DOK4: variants seen among roughly 807,000 people sequenced by gnomAD.
DOK4 encodes the protein docking protein 4.
Under a neutral mutation model 40.1 loss-of-function variants are expected in DOK4, and 26 were observed. That is an observed-to-expected ratio of 0.65 (90% CI 0.48 to 0.90). The LOEUF is 0.90. DOK4 is among the 40% of genes least tolerant of loss of function. DOK4 has a pLI of 0.00. For synonymous variants in DOK4, 179 were observed against 177.0 expected (o/e 1.01, Z -0.09); for missense variants, 392 against 437.2 (o/e 0.90, Z 0.92).
exon 9 of DOK4, chr16:57,472,194 C>T (rs1237447507): frequency 2.6e-5 from 4 of 152,302 alleles, no homozygotes; most frequent in Non-Finnish European, 4.4e-5. Context: ...GGAGGGGCCG[C>T]GTGCTTTATC....
intron 2 of DOK4, 27 bp from the exon 3 acceptor site, chr16:57,475,984 G>A: frequency 6.3e-7 from 1 of 1,587,562 alleles, no homozygotes; most frequent in Non-Finnish European, 8.6e-7. Context: ...CAGGGCTCAG[G>A]CCTCCCTGGA....
chr16:57,473,576 T>G (rs769864181), intron 8 of DOK4, 37 bp downstream of exon 8: 40 of 1,614,044 alleles, frequency 2.5e-5, no homozygotes, highest in South Asian at 2.1e-4. Context: ...CCACAAAGCC[T>G]CCTGGCAGGT....
At chr16:57,483,004 GGAAGAGT>G (rs2031458666) in intron 1 of DOK4, among the ~76,000 whole-genome samples, 2 of 152,186 alleles carry the variant, frequency 1.3e-5, no homozygotes, top group African/African-American at 4.8e-5. Context: ...GTCCCCAGCG[GGAAGAGT>G]GACCTTCACG....
rs1489384012 is a variant in DOK4, at chr16:57,479,333, G to C, written c.66+109C>G. The stretch of plus-strand genomic sequence containing the variant: ...CGAGACCACAGATGCACGATGCCCG[G>C]CAGCCGGAGGGCAGCCGCGTGCCCC... On this transcript the variant is annotated intron_variant, in intron 2 of 8. Transcript: ENST00000340099. The surrounding 1 kb of genome is among the most constrained non-coding windows in gnomAD (Gnocchi z 5.8). The C allele has an allele frequency of 8.0e-7, 1 of 1,244,842 alleles. No homozygotes were observed. The highest frequency in any genetic ancestry group is 1.9e-5 in the Admixed American group (1 of 51,380). The allele number at this position is 1,244,842 out of a possible 1,614,324, so 77.1% of individuals were successfully genotyped here. A position where few individuals can be genotyped will look rare whatever the true frequency, so the allele number is the denominator to read the frequency against.
chr16:57,473,315 C>T (rs2030959832), exon 9 of DOK4: 1 of 1,561,424 alleles, frequency 6.4e-7, no homozygotes, highest in Non-Finnish European at 8.7e-7. Context: ...GTCCACGGTA[C>T]ACTGCAGCCA....
intron 7 of DOK4, 35 bp downstream of exon 7, chr16:57,473,866 C>A: frequency 6.7e-7 from 1 of 1,496,970 alleles, no homozygotes; most frequent in Non-Finnish European, 8.9e-7. Context: ...GTTCCCCCCT[C>A]CCCCCGTACC....
chr16:57,473,357 G>A (rs760917590), exon 9 of DOK4: 23 of 1,604,486 alleles, frequency 1.4e-5, no homozygotes, highest in Middle Eastern at 1.9e-4. Context: ...AGCAGTCATC[G>A]GTGCTCGCCA....
At chr16:57,480,536 G>A (rs750768365) in intron 1 of DOK4, 1 of 152,578 alleles carries the variant, frequency 6.6e-6, no homozygotes. Context: ...AGTCCGTGAG[G>A]GTGGGGCCCG....
chr16:57,475,469 C>T lies in DOK4; in HGVS notation c.289+37G>A, dbSNP rs769381980. The T allele has an allele frequency of 1.9e-6, 3 of 1,561,270 alleles. No homozygotes were observed. In the Admixed American group the frequency reaches 5.5e-5, roughly 29 times the overall value. On this transcript the variant is annotated intron_variant, in intron 4 of 8. Transcript: ENST00000340099. ...GCTGGACCTCTGACCAAGACCACCC[C>T]AGGGGAGGCAGATGGAGGCCCATAC...
At chr16:57,475,190 G>A (rs752138778) in exon 5 of DOK4, 5 of 1,613,978 alleles carry the variant, frequency 3.1e-6, no homozygotes, top group Admixed American at 3.3e-5. Context: ...TCCACAGATA[G>A]TGTCTTGTAC....
In DOK4 at chr16:57,473,974, C is replaced by T. The variant is rs757770307; in HGVS notation, c.665G>A (p.Arg222His). 35 of 1,613,980 alleles carry T rather than the reference C, an allele frequency of 2.2e-5. No homozygotes were observed. The African/African-American group carries it at 2.5e-4, about 12-fold the overall frequency. ...GATGGCCAGGGTGGCACTGTGGACG[C>T]GCTGGTAAATCTGCTCCCCCTCTTG... Residue 222 changes from arginine to histidine, a missense_variant, in exon 7 of 9, where the codon CGC (arginine) becomes CAC (histidine). Arg to His is a conservative substitution (Grantham distance 29). Coordinates refer to ENST00000340099, the Ensembl canonical transcript of DOK4.
exon 8 of DOK4, chr16:57,473,623 G>A (rs533460486): frequency 6.2e-7 from 1 of 1,614,266 alleles, no homozygotes; most frequent in East Asian, 2.2e-5. Context: ...CAGCATAGCT[G>A]GAGGCTTCGG....
At chr16:57,475,766 T>TCCCTCTCTC (rs1331672329) in intron 3 of DOK4, 84 bp downstream of exon 3, 4 of 862,408 alleles carry the variant, frequency 4.6e-6, no homozygotes, top group Non-Finnish European at 6.6e-6. Flanking sequence ...CTCCCCTCTC[T>TCCCTCTCTC]CCCTCTCTCC....
chr16:57,474,587 C>T, intron 6 of DOK4: 1 of 663,606 alleles, frequency 1.5e-6, no homozygotes, highest in Non-Finnish European at 2.5e-6. Flanking sequence ...TGGTAAATAG[C>T]TTCACTTGAC....
At chr16:57,475,770 T>A in intron 3 of DOK4, 80 bp downstream of exon 3, 2 of 890,434 alleles carry the variant, frequency 2.2e-6, no homozygotes, top group Non-Finnish European at 3.2e-6. Context: ...CCTCTCTCCC[T>A]CTCTCCCCTC....
In DOK4 at chr16:57,478,795, C is replaced by G. The variant is rs551975455; in HGVS notation, c.66+647G>C. On this transcript the variant is annotated intron_variant, in intron 2 of 8. Transcript: ENST00000340099. Reference sequence around the variant, plus strand: ...ACAACTTGGAGGGAAGCAGCCTGTCCCAGAGCACTGGACCATTCTGCCCAA... The same window carrying G: ...ACAACTTGGAGGGAAGCAGCCTGTCGCAGAGCACTGGACCATTCTGCCCAA... 3.3e-5 allele frequency: 5 copies of G among 152,716 alleles called. No individual in the cohort carries two copies. The East Asian group carries it at 9.7e-4, about 29-fold the overall frequency. 9.5% of individuals were successfully genotyped at this position (152,716 alleles called of 1,614,324 possible). A position where few individuals can be genotyped will look rare whatever the true frequency, so the allele number is the denominator to read the frequency against.
rs1212906530 is a variant in DOK4, at chr16:57,479,244, C to A, written c.66+198G>T. On this transcript the variant is annotated intron_variant, in intron 2 of 8. Coordinates refer to ENST00000340099, the Ensembl canonical transcript of DOK4. This position sits in a 1 kb window ranked among gnomAD's most constrained non-coding sequence, Gnocchi z 5.8. ...TGGGATGCCAGCCAGCCCTCTGGGG[C>A]GGGGGCTGCAGCAGGCAGAACCCAG... 6.6e-6 allele frequency among the ~76,000 whole-genome samples: 1 copy of A among 152,252 alleles called. No homozygotes were observed. Among genetic ancestry groups the A allele is most frequent in the Non-Finnish European group, 1.5e-5 (1 of 68,046 alleles).
At chr16:57,476,808 G>T (rs1238351827) in intron 2 of DOK4, among the ~76,000 whole-genome samples, 1 of 152,194 alleles carries the variant, frequency 6.6e-6, no homozygotes, top group East Asian at 1.9e-4. Context: ...ATTCTCTGTA[G>T]CTTCAGGGAC....
At position 57,479,040 on chromosome 16, in the gene DOK4, G is replaced by A. The variant is rs2031308486; in HGVS notation, c.66+402C>T. Among the ~76,000 whole-genome samples the A allele has an allele frequency of 2.0e-5, 3 of 152,156 alleles. No homozygotes were observed. Among genetic ancestry groups the A allele is most frequent in the African/African-American group, 7.2e-5 (3 of 41,436 alleles). On this transcript the variant is annotated intron_variant, in intron 2 of 8. Transcript: ENST00000340099. This position sits in a 1 kb window ranked among gnomAD's most constrained non-coding sequence, Gnocchi z 5.8. ...GGTGAGGGGAGGCCGGGGGTGGGGG[G>A]CAAACGGAAGGGAGAGGAGGCCAGG...
Sources: gnomAD v4.1 joint callset for allele counts (sites outside exome capture counted in the v4.1 genomes callset) on GRCh38, gnomAD v4.1.1 for gene constraint, Gnocchi (gnomAD v3.1) non-coding constraint, MANE v1.5 for transcripts, NCBI Gene and HGNC (gene_info 2026-07-23, HGNC 2026-07-21) for gene names.